STPG2: variants seen among roughly 807,000 people sequenced by gnomAD.
STPG2 encodes sperm tail PG-rich repeat containing 2, also known as sperm-tail PG-rich repeat-containing protein 2.
In STPG2, 56 loss-of-function variants were observed where a neutral mutation model predicts 54.2. The observed-to-expected ratio is 1.03, with a 90% CI of 0.83 to 1.29. The LOEUF (loss-of-function observed/expected upper bound fraction) is 1.29, where lower values mean the gene tolerates loss of function less well. STPG2 is among the 50% of genes most tolerant of loss of function. The probability of loss-of-function intolerance (pLI) is 0.00; values close to 1 mark genes in which losing one functional copy is unlikely to be tolerated. For synonymous variants in STPG2, 200 were observed against 181.8 expected, an observed-to-expected ratio of 1.10 and a Z score of -0.81; for missense variants, 596 against 544.9, an observed-to-expected ratio of 1.09 and a Z score of -0.93.
At chr4:97,956,480 T>C (rs1191927970) in intron 7 of STPG2, among the ~76,000 whole-genome samples, 1 of 151,984 alleles carries the variant, frequency 6.6e-6, no homozygotes, top group Non-Finnish European at 1.5e-5. Context: ...TCTCAGACCA[T>C]GAACTTTTGC....
intron 4 of STPG2, among the ~76,000 whole-genome samples, chr4:97,496,421 T>C (rs1049060198): frequency 6.6e-6 from 1 of 151,732 alleles, no homozygotes; most frequent in Non-Finnish European, 1.5e-5. Flanking sequence ...TTACACAGCA[T>C]GCATCTAGTC....
At chr4:98,109,062 C>T (rs1002090535) in intron 4 of STPG2, 131 bp downstream of exon 4, 6 of 517,510 alleles carry the variant, frequency 1.2e-5, no homozygotes, top group African/African-American at 2.0e-5. Context: ...ATACATTACA[C>T]CAAAATGTAA....
At chr4:98,002,697 C>T (rs772734183) in intron 5 of STPG2, among the ~76,000 whole-genome samples, 1 of 151,994 alleles carries the variant, frequency 6.6e-6, no homozygotes, top group East Asian at 1.9e-4. Context: ...ATTGAGACTA[C>T]TTGTAATTAC....
chr4:97,752,599 A>G (rs756219259), intron 9 of STPG2, among the ~76,000 whole-genome samples: 59 of 151,966 alleles, frequency 3.9e-4, no homozygotes, highest in Non-Finnish European at 8.0e-4. Flanking sequence ...CCTAGTATTC[A>G]AGGTCTTTTT....
At chr4:98,039,639 G>A (rs1736885728) in intron 5 of STPG2, among the ~76,000 whole-genome samples, 1 of 151,182 alleles carries the variant, frequency 6.6e-6, no homozygotes, top group African/African-American at 2.4e-5. Flanking sequence ...GTATATTCAT[G>A]TAACAAAACT....
At chr4:97,444,226 G>A (rs1230921259) in intron 4 of STPG2, among the ~76,000 whole-genome samples, 1 of 152,036 alleles carries the variant, frequency 6.6e-6, no homozygotes, top group Non-Finnish European at 1.5e-5. Context: ...TGTTAAAGAA[G>A]CAATATTTGA....
intron 10 of STPG2, among the ~76,000 whole-genome samples, chr4:97,603,709 A>T (rs1011709484): frequency 6.6e-6 from 1 of 151,682 alleles, no homozygotes; most frequent in Non-Finnish European, 1.5e-5. Context: ...TGAGGGTCTC[A>T]TGGTAAGTAA....
intron 4 of STPG2, among the ~76,000 whole-genome samples, chr4:97,470,381 C>A (rs890170523): frequency 6.6e-6 from 1 of 151,982 alleles, no homozygotes; most frequent in African/African-American, 2.4e-5. Flanking sequence ...AATTATTTTG[C>A]AAGGAAGAAT....
At chr4:97,904,005 C>A (rs988338027) in intron 8 of STPG2, among the ~76,000 whole-genome samples, 2 of 152,216 alleles carry the variant, frequency 1.3e-5, no homozygotes, top group South Asian at 4.1e-4. Context: ...AACTGCAAGG[C>A]AGCAGCGAGG....
rs552523346 is a variant in STPG2 at position 97,483,088 on chromosome 4, C to T, written c.462+229611G>A. On this transcript the variant is annotated intron_variant, in intron 4 of 4. Transcript: ENST00000522676. ...AGTCTTGAAACAAATTCTGGAAACA[C>T]ATCAAAACAGGACCTCTTTAAAGCA... Among the ~76,000 whole-genome samples, 5 of 151,800 alleles carry T rather than the reference C, an allele frequency of 3.3e-5. No homozygotes were observed. In the East Asian group the frequency reaches 7.8e-4, roughly 24 times the overall value.
intron 9 of STPG2, among the ~76,000 whole-genome samples, chr4:97,764,410 G>A (rs75478161): frequency 0.019 from 2,823 of 152,090 alleles, 78 homozygotes; most frequent in African/African-American, 0.065. Flanking sequence ...TATGAATTTC[G>A]TGCACTATTG....
chr4:97,446,797 A>G (rs570135282), intron 4 of STPG2, among the ~76,000 whole-genome samples: 3 of 152,210 alleles, frequency 2.0e-5, no homozygotes, highest in Non-Finnish European at 2.9e-5. Context: ...CTCCCCAGCC[A>G]TGCTGAACTG....
intron 9 of STPG2, among the ~76,000 whole-genome samples, chr4:97,736,846 G>A (rs1490619273): frequency 2.0e-5 from 3 of 152,184 alleles, no homozygotes; most frequent in Non-Finnish European, 4.4e-5. Context: ...TGACAGCTTT[G>A]AAGAGAGCAG....
chr4:97,542,096 G>A (rs1255140077), intron 4 of STPG2, among the ~76,000 whole-genome samples: 4 of 152,080 alleles, frequency 2.6e-5, no homozygotes, highest in African/African-American at 7.2e-5. Context: ...AAAAGCAAGG[G>A]CAACAAAAGC....
chr4:97,497,144 G>A (rs1044799868), intron 4 of STPG2, among the ~76,000 whole-genome samples: 1 of 151,542 alleles, frequency 6.6e-6, no homozygotes, highest in Non-Finnish European at 1.5e-5. Flanking sequence ...TACTTCTCAA[G>A]CATTAAAGAA....
intron 8 of STPG2, among the ~76,000 whole-genome samples, chr4:97,866,085 C>T (rs1213684471): frequency 6.6e-6 from 1 of 151,606 alleles, no homozygotes; most frequent in Non-Finnish European, 1.5e-5. Flanking sequence ...CAATGGTTAC[C>T]AGAGGCCAAG....
intron 8 of STPG2, among the ~76,000 whole-genome samples, chr4:97,932,361 T>C (rs938070072): frequency 1.3e-5 from 2 of 152,204 alleles, no homozygotes; most frequent in African/African-American, 4.8e-5. Context: ...TTCCAAATTT[T>C]TTTTTAATTT....
intron 7 of STPG2, among the ~76,000 whole-genome samples, chr4:97,971,557 C>T (rs115443399): frequency 3.0e-3 from 463 of 152,142 alleles, no homozygotes; most frequent in Non-Finnish European, 4.8e-3. Flanking sequence ...GAAAGACGAC[C>T]ACACACCGCA....
chr4:97,877,634 T>C (rs1730226481), intron 8 of STPG2, among the ~76,000 whole-genome samples: 3 of 152,090 alleles, frequency 2.0e-5, no homozygotes, highest in Admixed American at 2.0e-4. Flanking sequence ...GTGGGGAAAC[T>C]GCCCCCATGA....
Sources: gnomAD v4.1 joint callset for allele counts (sites outside exome capture counted in the v4.1 genomes callset) on GRCh38, gnomAD v4.1.1 for gene constraint, MANE v1.5 for transcripts, NCBI Gene and HGNC (gene_info 2026-07-23, HGNC 2026-07-21) for gene names.